Variants in RIMKLB observed in about 807,000 individuals in gnomAD.
RIMKLB encodes the protein beta-citrylglutamate synthase B.
Under a neutral mutation model 32.0 loss-of-function variants are expected in RIMKLB, and 7 were observed. The observed-to-expected ratio is 0.22, with a 90% CI of 0.12 to 0.41. RIMKLB has a LOEUF of 0.41. RIMKLB is among the 10% of genes least tolerant of loss of function. The pLI, the probability that RIMKLB is intolerant of heterozygous loss-of-function variation, is 1.00. For missense variants in RIMKLB, 289 were observed against 498.7 expected (o/e 0.58, Z 4.00); for synonymous variants, 172 against 185.1 (o/e 0.93, Z 0.57).
intron 5 of RIMKLB, among the ~76,000 whole-genome samples, chr12:8,772,127 G>C (rs1254591036): frequency 6.6e-6 from 1 of 152,160 alleles, no homozygotes; most frequent in African/African-American, 2.4e-5. Flanking sequence ...GACCTCAAGT[G>C]ATCCACCTCA....
chr12:8,742,450 A>G (rs1420346265), intron 2 of RIMKLB: 5 of 377,688 alleles, frequency 1.3e-5, no homozygotes, highest in Admixed American at 6.5e-5. Context: ...TTTATGTCCT[A>G]CAAAGAGCAC....
intron 1 of RIMKLB, 30 bp from the exon 2 acceptor site, chr12:8,713,781 C>T (rs779909106): frequency 6.2e-6 from 8 of 1,294,906 alleles, no homozygotes; most frequent in Non-Finnish European, 7.8e-6. Flanking sequence ...TCTTGATTTA[C>T]CTTTTATGTA....
At chr12:8,706,054 G>A (rs757609062) in intron 1 of RIMKLB, among the ~76,000 whole-genome samples, 60 of 152,274 alleles carry the variant, frequency 3.9e-4, no homozygotes, top group African/African-American at 1.4e-3. Flanking sequence ...TGGAACCATT[G>A]CCTCACCAGG....
At chr12:8,722,841 CA>C (rs1399885988) in intron 2 of RIMKLB, among the ~76,000 whole-genome samples, 1 of 152,232 alleles carries the variant, frequency 6.6e-6, no homozygotes, top group East Asian at 1.9e-4. Context: ...TCCTAAATCC[CA>C]TGAACCAAAC....
At chr12:8,721,242 T>C (rs1945413055) in intron 2 of RIMKLB, among the ~76,000 whole-genome samples, 1 of 152,208 alleles carries the variant, frequency 6.6e-6, no homozygotes, top group African/African-American at 2.4e-5. Flanking sequence ...TGGTGGTTGC[T>C]GAAGGTGGCT....
intron 1 of RIMKLB, among the ~76,000 whole-genome samples, chr12:8,688,475 A>C (rs1019554274): frequency 2.0e-5 from 3 of 152,156 alleles, no homozygotes; most frequent in African/African-American, 7.2e-5. Context: ...TAGAAAGGAA[A>C]ATTTTGAAGA....
At chr12:8,731,635 G>A (rs1204868913) in intron 2 of RIMKLB, among the ~76,000 whole-genome samples, 4 of 152,054 alleles carry the variant, frequency 2.6e-5, no homozygotes, top group African/African-American at 4.8e-5. Flanking sequence ...GTTTCGTTGG[G>A]TTTTAAATTG....
At chr12:8,709,762 C>T (rs1018392358) in intron 1 of RIMKLB, among the ~76,000 whole-genome samples, 2 of 152,220 alleles carry the variant, frequency 1.3e-5, no homozygotes, top group African/African-American at 4.8e-5. Flanking sequence ...ACACCGCATT[C>T]ATATAACTTT....
At chr12:8,700,304 T>C (rs1308079995) in intron 1 of RIMKLB, 1 of 152,222 alleles carries the variant, frequency 6.6e-6, no homozygotes, top group African/African-American at 2.4e-5. Flanking sequence ...TTTTAAAATA[T>C]CTCCCAATTA....
At chr12:8,782,649 A>C (rs1445347702) in intron 7 of RIMKLB, among the ~76,000 whole-genome samples, 1 of 152,160 alleles carries the variant, frequency 6.6e-6, no homozygotes, top group African/African-American at 2.4e-5. Context: ...CTCTTGTAAA[A>C]CAGTAATAGA....
At position 8,746,193 on chromosome 12, in the gene RIMKLB, A is replaced by G. The variant is rs1948070164; in HGVS notation, c.176-3669A>G. On this transcript the variant is annotated intron_variant, in intron 2 of 5. Coordinates refer to ENST00000535829, the MANE Select transcript of RIMKLB (RefSeq NM_001297776.2). ...ACCAGCTTCCCTTCTTAACATTCCC[A>G]TTCTCTATATCCTTATCTCAAAATT... Among the ~76,000 whole-genome samples, 6 of 151,642 alleles carry G rather than the reference A, an allele frequency of 4.0e-5. No homozygotes were observed. In the South Asian group the frequency reaches 1.2e-3, roughly 31 times the overall value.
upstream of RIMKLB, among the ~76,000 whole-genome samples, chr12:8,680,288 TG>T (rs758883842): frequency 9.6e-4 from 146 of 152,252 alleles, 2 homozygotes; most frequent in East Asian, 0.019. Flanking sequence ...CCCGAGTAGC[TG>T]GGGACTACAG....
chr12:8,777,215 C>CATT, downstream of RIMKLB: 2 of 700,074 alleles, frequency 2.9e-6, no homozygotes, highest in Non-Finnish European at 3.3e-6. Flanking sequence ...TGCTTGCTTT[C>CATT]TTTTTTTTTT....
At chr12:8,698,768 C>G (rs1007310610) in intron 1 of RIMKLB, among the ~76,000 whole-genome samples, 2 of 151,978 alleles carry the variant, frequency 1.3e-5, no homozygotes, top group African/African-American at 4.8e-5. Context: ...TGGTGCGGTC[C>G]CGCAGCTACT....
intron 2 of RIMKLB, among the ~76,000 whole-genome samples, chr12:8,729,208 G>A (rs1298374966): frequency 6.6e-6 from 1 of 152,140 alleles, no homozygotes; most frequent in Non-Finnish European, 1.5e-5. Context: ...ACAGCATTTT[G>A]CACCCACACT....
At chr12:8,745,216 T>G (rs1410276247) in intron 2 of RIMKLB, among the ~76,000 whole-genome samples, 1 of 151,944 alleles carries the variant, frequency 6.6e-6, no homozygotes, top group Non-Finnish European at 1.5e-5. Flanking sequence ...CCTAAAGTAC[T>G]GGGATTACAG....
chr12:8,769,986 T>TG (rs1950275868), intron 5 of RIMKLB, among the ~76,000 whole-genome samples: 1 of 142,914 alleles, frequency 7.0e-6, no homozygotes, highest in African/African-American at 2.6e-5. Flanking sequence ...TTTTTTTTTT[T>TG]GGGAGATGGA....
At chr12:8,771,091 CAGA>C (rs1188934021) in intron 5 of RIMKLB, among the ~76,000 whole-genome samples, 2 of 152,182 alleles carry the variant, frequency 1.3e-5, no homozygotes, top group African/African-American at 4.8e-5. Context: ...TCCAGCTATC[CAGA>C]AGTTTTCTGA....
chr12:8,732,986 G>GAATA (rs1312827932), intron 2 of RIMKLB, among the ~76,000 whole-genome samples: 1 of 152,038 alleles, frequency 6.6e-6, no homozygotes, highest in Non-Finnish European at 1.5e-5. Context: ...TTGCAACTTT[G>GAATA]AATAAGTCAG....
Sources: gnomAD v4.1 joint callset for allele counts (sites outside exome capture counted in the v4.1 genomes callset) on GRCh38, gnomAD v4.1.1 for gene constraint, MANE v1.5 for transcripts, NCBI Gene and HGNC (gene_info 2026-07-23, HGNC 2026-07-21) for gene names.